Variants in DPH6 observed in about 807,000 individuals in gnomAD.
DPH6 encodes diphthine--ammonia ligase.
A neutral mutation model predicts 38.2 loss-of-function variants in DPH6; 33 were observed. That is an observed-to-expected ratio of 0.86 (90% CI 0.65 to 1.15). The LOEUF is 1.15. DPH6 is among the 50% of genes most tolerant of loss of function. DPH6 has a pLI of 0.00. For missense variants in DPH6, 325 were observed against 320.0 expected (o/e 1.02, Z -0.12); for synonymous variants, 108 against 103.0 (o/e 1.05, Z -0.30).
At chr15:35,319,262 T>C (rs1354678843) in intron 3 of DPH6, among the ~76,000 whole-genome samples, 1 of 152,090 alleles carries the variant, frequency 6.6e-6, no homozygotes, top group African/African-American at 2.4e-5. Context: ...GTAATGAATG[T>C]GAAAGGTTCT....
intron 3 of DPH6, among the ~76,000 whole-genome samples, chr15:35,350,058 C>T (rs2052496561): frequency 2.0e-5 from 3 of 152,274 alleles, no homozygotes; most frequent in African/African-American, 4.8e-5. Context: ...AAGAATTCTT[C>T]AGTGAAGTCA....
At chr15:35,149,812 T>G in the DPH6 span, among the ~76,000 whole-genome samples, 1 of 152,246 alleles carries the variant, frequency 6.6e-6, no homozygotes, top group Non-Finnish European at 1.5e-5. Context: ...CAAGCCTCAC[T>G]TAGTATTCTG....
chr15:35,401,714 T>C, intron 6 of DPH6: 4 of 727,906 alleles, frequency 5.5e-6, no homozygotes, highest in Non-Finnish European at 1.0e-5. Context: ...GACACCAAGG[T>C]GGCTATGGTG....
rs184515911 is a variant in DPH6, at chr15:35,299,140, T to C, written n.200+74381A>G. 20 of 1,166,670 alleles carry C rather than the reference T, an allele frequency of 1.7e-5. No homozygotes were observed. In the East Asian group the frequency reaches 3.0e-4, roughly 18 times the overall value. 72.3% of individuals were successfully genotyped at this position (1,166,670 alleles called of 1,614,324 possible). The stretch of plus-strand genomic sequence containing the variant: ...ACTTTCTTACAATCGTTAGGAAACA[T>C]AGGATCATATTCGTCAGCTAAGGGA... On this transcript the variant is annotated intron_variant and non_coding_transcript_variant, in intron 3 of 3. Transcript: ENST00000560386.
intron 3 of DPH6, among the ~76,000 whole-genome samples, chr15:35,268,735 G>T (rs2051801509): frequency 6.7e-6 from 1 of 148,906 alleles, no homozygotes; most frequent in Non-Finnish European, 1.5e-5. Flanking sequence ...TTAATTGAAG[G>T]TATAAAAAAT....
chr15:35,266,212 T>C (rs1364426633), intron 3 of DPH6, among the ~76,000 whole-genome samples: 1 of 152,172 alleles, frequency 6.6e-6, no homozygotes, highest in Non-Finnish European at 1.5e-5. Context: ...CCAGTGGAGA[T>C]GCTTATCATG....
chr15:35,490,014 A>T (rs2054455975), intron 3 of DPH6: 9 of 985,316 alleles, frequency 9.1e-6, no homozygotes, highest in Middle Eastern at 5.2e-4. Context: ...TATGTAGAAG[A>T]GGCACCCAAA....
In DPH6 at chr15:35,363,431, A is replaced by T. The variant is rs1366878761; in HGVS notation, n.207+10090T>A. ...TTTATTTTGTCTTCTATTAAAAGAC[A>T]TCTACATAAACTCTCTTTTGCCTAG... is the stretch of plus-strand genomic sequence containing the variant. On this transcript the variant is annotated intron_variant and non_coding_transcript_variant, in intron 3 of 3. Transcript: ENST00000558973. Among the ~76,000 whole-genome samples, 3 of 152,164 alleles carry T rather than the reference A, an allele frequency of 2.0e-5. No homozygotes were observed. In the East Asian group the frequency reaches 5.8e-4, roughly 29 times the overall value.
At chr15:35,230,297 A>C (rs2051508087) in intron 3 of DPH6, among the ~76,000 whole-genome samples, 1 of 152,204 alleles carries the variant, frequency 6.6e-6, no homozygotes, top group African/African-American at 2.4e-5. Context: ...CCTTGTGGCC[A>C]TCACTACCTC....
intron 3 of DPH6, among the ~76,000 whole-genome samples, chr15:35,292,709 T>C (rs777459570): frequency 2.6e-5 from 4 of 152,276 alleles, no homozygotes; most frequent in Admixed American, 2.6e-4. Context: ...CAACAGAAAA[T>C]GCATATTTTT....
intron 3 of DPH6, among the ~76,000 whole-genome samples, chr15:35,482,605 T>C (rs2054341456): frequency 6.6e-6 from 1 of 152,080 alleles, no homozygotes; most frequent in Non-Finnish European, 1.5e-5. Context: ...TCCAAGGCAA[T>C]TCAATGGGGA....
At chr15:35,174,916 T>A in the DPH6 span, among the ~76,000 whole-genome samples, 134 of 151,686 alleles carry the variant, frequency 8.8e-4, no homozygotes, top group Non-Finnish European at 1.5e-3. Flanking sequence ...TTAAAAAATA[T>A]GTGTATCTCT....
Position 35,538,402 on chromosome 15 carries a change from C to T in DPH6, c.184G>A (p.Ala62Thr). The change falls in exon 3 of 9, where the codon GCA becomes ACA. Residue 62 changes from alanine (A) to threonine (T), a missense_variant. Transcript: ENST00000256538. ...TAGAGGGGAAGAGCCATTGCTTCTG[C>T]ATACAAGTCAATGGCATGGTGCCCC... ...TVGHHAIDLY[A>T]EAMALPLYRR... is the part of the protein sequence containing the mutation. 1 of 1,608,856 alleles carries T rather than the reference C, an allele frequency of 6.2e-7. No individual in the cohort carries two copies. The highest frequency in any genetic ancestry group is 2.2e-5 in the East Asian group (1 of 44,812).
chr15:35,166,365 C>T, the DPH6 span, among the ~76,000 whole-genome samples: 1 of 152,070 alleles, frequency 6.6e-6, no homozygotes, highest in East Asian at 1.9e-4. Flanking sequence ...TAACAATGGT[C>T]AGATATAACC....
chr15:35,189,413 A>T, the DPH6 span, among the ~76,000 whole-genome samples: 2 of 152,106 alleles, frequency 1.3e-5, no homozygotes, highest in Admixed American at 6.5e-5. Flanking sequence ...CATTTTTCCA[A>T]TGCAAACTCC....
chr15:35,152,511 T>C, the DPH6 span, among the ~76,000 whole-genome samples: 100,261 of 152,072 alleles, frequency 0.66, 33,590 homozygotes, highest in Middle Eastern at 0.76. Flanking sequence ...TGTTTTTTAT[T>C]TTTTTGAGAT....
At chr15:35,335,782 T>C (rs1219671448) in intron 3 of DPH6, among the ~76,000 whole-genome samples, 1 of 152,238 alleles carries the variant, frequency 6.6e-6, no homozygotes, top group Non-Finnish European at 1.5e-5. Context: ...TTTTGGTTAC[T>C]GTGGTCTTGT....
chr15:35,150,404 T>C, the DPH6 span, among the ~76,000 whole-genome samples: 1 of 152,244 alleles, frequency 6.6e-6, no homozygotes. Context: ...TAAGAATTTA[T>C]ATGAACCCAT....
At chr15:35,312,897 C>T (rs562411600) in intron 3 of DPH6, among the ~76,000 whole-genome samples, 18 of 152,118 alleles carry the variant, frequency 1.2e-4, no homozygotes, top group Non-Finnish European at 2.4e-4. Context: ...TTTTATACCA[C>T]TACCATGTAG....
Sources: gnomAD v4.1 joint callset for allele counts (sites outside exome capture counted in the v4.1 genomes callset) on GRCh38, gnomAD v4.1.1 for gene constraint, MANE v1.5 for transcripts, NCBI Gene and HGNC (gene_info 2026-07-23, HGNC 2026-07-21) for gene names.